The following GFOD1 variants were observed in gnomAD, a reference collection of about 807,000 sequenced individuals.
The protein encoded by GFOD1 is Gfo/Idh/MocA-like oxidoreductase domain containing 1, also known as glucose-fructose oxidoreductase domain-containing protein 1.
GFOD1 carries 9 observed loss-of-function variants against 25.4 expected under a neutral mutation model. The observed-to-expected ratio is 0.35, with a 90% CI of 0.21 to 0.62. GFOD1 has a LOEUF of 0.62. Among genes scored for constraint, GFOD1 ranks in the 20% least tolerant of loss-of-function variants. GFOD1 has a pLI of 0.72. For missense variants in GFOD1, 403 were observed against 556.9 expected, an observed-to-expected ratio of 0.72 and a Z score of 2.78; for synonymous variants, 253 against 245.6, an observed-to-expected ratio of 1.03 and a Z score of -0.28.
intron 1 of GFOD1, among the ~76,000 whole-genome samples, chr6:13,426,803 G>A (rs1020758951): frequency 1.3e-5 from 2 of 152,222 alleles, no homozygotes; most frequent in Non-Finnish European, 2.9e-5. Context: ...CTTTGCCAAA[G>A]GTGTCGACTT....
rs9382141 is a variant in GFOD1 at position 13,486,999 on chromosome 6, G to A, written c.-109C>T. On this transcript the variant is annotated 5_prime_UTR_variant, in exon 1 of 2. Coordinates refer to ENST00000379287, the MANE Select transcript of GFOD1 (RefSeq NM_018988.4). ...CCCCGCTCCTGTAGCCAATCTAGCCGCGGTGCGCCAGCCGCCGTGCACCGG... is the reference window on the plus strand; with the variant it reads ...CCCCGCTCCTGTAGCCAATCTAGCCACGGTGCGCCAGCCGCCGTGCACCGG... The A allele has an allele frequency of 7.4e-7, 1 of 1,353,788 alleles. No individual in the cohort carries two copies. Among genetic ancestry groups the A allele is most frequent in the South Asian group, 1.4e-5 (1 of 71,150 alleles). 83.9% of individuals were successfully genotyped at this position (1,353,788 alleles called of 1,614,324 possible).
intron 1 of GFOD1, among the ~76,000 whole-genome samples, chr6:13,409,210 G>A (rs376226863): frequency 0.036 from 1,631 of 45,518 alleles, 125 homozygotes; most frequent in East Asian, 0.17. Context: ...AGAGAAAGAA[G>A]GAAAGAGAGA....
At chr6:13,375,391 T>G (rs977381569) in intron 1 of GFOD1, among the ~76,000 whole-genome samples, 8 of 152,216 alleles carry the variant, frequency 5.3e-5, no homozygotes, top group Non-Finnish European at 8.8e-5. Context: ...ATCATGCGAC[T>G]GACTGCAGTG....
At position 13,365,073 on chromosome 6, in the gene GFOD1, G is replaced by A. The variant is rs779939486; in HGVS notation, c.843C>T (p.Asp281=). The A allele has an allele frequency of 7.3e-5, 118 of 1,611,546 alleles. No homozygotes were observed. The highest frequency in any genetic ancestry group is 1.5e-4 in the Admixed American group (9 of 59,994). Residue 281 remains aspartate, a synonymous_variant, in exon 2 of 2, where the codon GAC becomes GAT. Transcript: ENST00000379287. This position sits in a 1 kb window ranked among gnomAD's most constrained non-coding sequence, Gnocchi z 9.2. ...GCAGGGAGTTGCTCACCGGCGTGGC[G>A]TCCTGCACCAGCAGCTCCTGCTCCG... ...SAPEQELLVQ[D]ATPVSNSLLP... is the part of the protein sequence containing the mutation.
chr6:13,419,861 G>A (rs1009560143), intron 1 of GFOD1, among the ~76,000 whole-genome samples: 1 of 152,100 alleles, frequency 6.6e-6, no homozygotes, highest in Admixed American at 6.5e-5. Flanking sequence ...TCCCCTCTTC[G>A]GATAGCCCTT....
At chr6:13,384,743 C>T (rs923157172) in intron 1 of GFOD1, among the ~76,000 whole-genome samples, 39 of 152,124 alleles carry the variant, frequency 2.6e-4, no homozygotes, top group African/African-American at 9.2e-4. Context: ...GCCTTTCTGA[C>T]CTCGAGAGTA....
intron 1 of GFOD1, among the ~76,000 whole-genome samples, chr6:13,434,107 G>A (rs1388015663): frequency 6.6e-6 from 1 of 152,228 alleles, no homozygotes; most frequent in Non-Finnish European, 1.5e-5. Context: ...TCAAGGACAG[G>A]GCATTATGGG....
chr6:13,420,546 C>T (rs1017667195), intron 1 of GFOD1, among the ~76,000 whole-genome samples: 1 of 152,150 alleles, frequency 6.6e-6, no homozygotes, highest in African/African-American at 2.4e-5. Context: ...GATCCCAGAG[C>T]CCTCCTGAAA....
chr6:13,453,202 CT>C (rs1351217699), intron 1 of GFOD1, among the ~76,000 whole-genome samples: 4 of 152,284 alleles, frequency 2.6e-5, no homozygotes, highest in African/African-American at 9.6e-5. Context: ...TCCTTGGGTT[CT>C]TTTGAAATTT....
At chr6:13,433,243 T>C (rs1376877237) in intron 1 of GFOD1, among the ~76,000 whole-genome samples, 1 of 151,110 alleles carries the variant, frequency 6.6e-6, no homozygotes, top group Non-Finnish European at 1.5e-5. Flanking sequence ...CCTCAGCCTC[T>C]CAAGTAGCTG....
intron 1 of GFOD1, among the ~76,000 whole-genome samples, chr6:13,431,370 C>A (rs549654916): frequency 6.6e-6 from 1 of 152,180 alleles, no homozygotes; most frequent in Admixed American, 6.5e-5. Context: ...CCATCCTGGA[C>A]CTCCTATTCT....
intron 1 of GFOD1, among the ~76,000 whole-genome samples, chr6:13,444,119 C>G (rs1029434854): frequency 6.6e-6 from 1 of 152,136 alleles, no homozygotes; most frequent in African/African-American, 2.4e-5. Context: ...AAATGCTCAA[C>G]AATGGCAGAC....
At chr6:13,397,560 C>T (rs973538616) in intron 1 of GFOD1, among the ~76,000 whole-genome samples, 1 of 152,224 alleles carries the variant, frequency 6.6e-6, no homozygotes, top group African/African-American at 2.4e-5. Context: ...CAGGGGCCGG[C>T]CCACTGGGGA....
At chr6:13,440,613 C>T (rs898790506) in intron 1 of GFOD1, among the ~76,000 whole-genome samples, 6 of 152,240 alleles carry the variant, frequency 3.9e-5, no homozygotes, top group Admixed American at 2.0e-4. Context: ...ACCAAGAGTT[C>T]GGACTTCCTC....
chr6:13,366,980 TTTA>T (rs1331805254), intron 1 of GFOD1, among the ~76,000 whole-genome samples: 1 of 151,890 alleles, frequency 6.6e-6, no homozygotes, highest in African/African-American at 2.4e-5. Context: ...AGATTTTGCT[TTTA>T]TGTTATTTAA....
chr6:13,474,456 C>A (rs1402694042), intron 1 of GFOD1, among the ~76,000 whole-genome samples: 1 of 152,148 alleles, frequency 6.6e-6, no homozygotes, highest in Non-Finnish European at 1.5e-5. Context: ...TAGACTGGCA[C>A]TGGGAAGCTT....
intron 1 of GFOD1, among the ~76,000 whole-genome samples, chr6:13,462,913 G>A (rs945321054): frequency 5.9e-5 from 9 of 152,152 alleles, no homozygotes; most frequent in South Asian, 2.1e-4. Flanking sequence ...AAGCAACAGC[G>A]AGATAAAAGT....
intron 1 of GFOD1, among the ~76,000 whole-genome samples, chr6:13,422,569 A>ACGTCCCCAAAAG (rs1584642523): frequency 6.6e-6 from 1 of 152,244 alleles, no homozygotes; most frequent in East Asian, 1.9e-4. Flanking sequence ...CCCAAAAGTC[A>ACGTCCCCAAAAG]AGACGTCTTT....
At position 13,360,513 on chromosome 6, in the gene GFOD1, G is replaced by A. The variant is rs73364946; in HGVS notation, c.*4230C>T. On this transcript the variant is annotated 3_prime_UTR_variant, in exon 2 of 2. Coordinates refer to ENST00000379287, the MANE Select transcript of GFOD1 (RefSeq NM_018988.4). ...TCCTACGTTATATTCAGACCCCCAA[G>A]AGCAAATTCCAAGGCCATCTATAAT... 2.8e-6 allele frequency: 1 copy of A among 357,060 alleles called. No homozygotes were observed. Among genetic ancestry groups the A allele is most frequent in the Non-Finnish European group, 5.6e-6 (1 of 179,314 alleles). The allele number at this position is 357,060 out of a possible 1,614,324, so 22.1% of individuals were successfully genotyped here.
Sources: gnomAD v4.1 joint callset for allele counts (sites outside exome capture counted in the v4.1 genomes callset) on GRCh38, gnomAD v4.1.1 for gene constraint, Gnocchi (gnomAD v3.1) non-coding constraint, MANE v1.5 for transcripts, NCBI Gene and HGNC (gene_info 2026-07-23, HGNC 2026-07-21) for gene names.